The following DENND4C variants were observed in gnomAD, a reference collection of about 807,000 sequenced individuals.
The protein encoded by DENND4C is DENN domain-containing protein 4C.
A neutral mutation model predicts 203.0 loss-of-function variants in DENND4C; 108 were observed. The ratio of observed to expected loss-of-function variants is 0.53; its 90% CI spans 0.46 to 0.62. The LOEUF (loss-of-function observed/expected upper bound fraction) is 0.62, where lower values mean the gene tolerates loss of function less well. Among genes scored for constraint, DENND4C ranks in the 20% least tolerant of loss-of-function variants. The pLI is 0.00. For synonymous variants in DENND4C, 871 were observed against 792.4 expected, an observed-to-expected ratio of 1.10 and a Z score of -1.67; for missense variants, 2,481 against 2,301.2, an observed-to-expected ratio of 1.08 and a Z score of -1.60.
Position 19,297,080 on chromosome 9 carries a change from C to T in DENND4C, c.1040+834C>T, listed in dbSNP as rs529837459. On this transcript the variant is annotated intron_variant, in intron 6 of 32. Coordinates refer to ENST00000434457, the MANE Select transcript of DENND4C (RefSeq NM_001330640.2). ...AAGCATCTTTTCTGATTTCTAGTGG[C>T]GCATTGACTTCTGTTTATGATAGTT... Among the ~76,000 whole-genome samples the T allele has an allele frequency of 1.3e-4, 20 of 152,134 alleles. No homozygotes were observed. The South Asian group carries it at 2.9e-3, about 22-fold the overall frequency.
In DENND4C at chr9:19,346,695, A is replaced by T; in HGVS notation, c.3926A>T (p.Asn1309Ile). Residue 1309 changes from asparagine to isoleucine, a missense_variant, in exon 23 of 33, where the codon AAC becomes ATC. Around this residue, in one of 3 missense-constraint regions of DENND4C, gnomAD observed 2,289 missense variants for 2,113.3 expected, o/e 1.08. Transcript: ENST00000434457. ...AGTATGGAATTACACAGAGAGGAAAACAGAGAGTCTGGCATGACTACTGCA... is the reference window on the plus strand; with the variant it reads ...AGTATGGAATTACACAGAGAGGAAATCAGAGAGTCTGGCATGACTACTGCA... Reference protein sequence around the residue: ...SSSMELHREENRESGMTTAFI... With the variant: ...SSSMELHREEIRESGMTTAFI... 6.2e-7 allele frequency: 1 copy of T among 1,614,204 alleles called. No homozygotes were observed. Among genetic ancestry groups the T allele is most frequent in the Non-Finnish European group, 8.5e-7 (1 of 1,180,028 alleles).
intron 16 of DENND4C, among the ~76,000 whole-genome samples, chr9:19,328,473 C>G (rs1312206931): frequency 6.6e-6 from 1 of 151,476 alleles, no homozygotes; most frequent in Non-Finnish European, 1.5e-5. Context: ...ATTAGCTGGG[C>G]GTGGTGTCAG....
At chr9:19,280,830 T>C (rs1833903993) in intron 2 of DENND4C, among the ~76,000 whole-genome samples, 2 of 152,212 alleles carry the variant, frequency 1.3e-5, no homozygotes, top group South Asian at 4.1e-4. Flanking sequence ...AGCCTCCGCC[T>C]TCTGGGCTCA....
In DENND4C at chr9:19,300,409, G is replaced by A. The variant is rs1159529225; in HGVS notation, c.1311+78G>A. On this transcript the variant is annotated intron_variant, in intron 9 of 32. Transcript: ENST00000434457. ...CAAAGGGAAATTTTCTTCAAAAACA[G>A]CAACTTTGTAAACAACAACAAATTT... is the stretch of plus-strand genomic sequence containing the variant. 16 of 1,308,906 alleles carry A rather than the reference G, an allele frequency of 1.2e-5. No homozygotes were observed. The East Asian group carries it at 4.2e-4, about 35-fold the overall frequency. 81.1% of individuals were successfully genotyped at this position (1,308,906 alleles called of 1,614,324 possible).
At chr9:19,353,497 G>A (rs951776922) in intron 26 of DENND4C, among the ~76,000 whole-genome samples, 4 of 151,828 alleles carry the variant, frequency 2.6e-5, no homozygotes, top group Non-Finnish European at 4.4e-5. Context: ...GTGTGGCGGC[G>A]TGCGCCTGTA....
chr9:19,299,011 CA>C (rs1838011565), intron 7 of DENND4C, among the ~76,000 whole-genome samples: 1 of 151,960 alleles, frequency 6.6e-6, no homozygotes, highest in South Asian at 2.1e-4. Context: ...TCAAATTAAC[CA>C]TTTAATGAAA....
chr9:19,238,377 C>CA (rs1476859001), intron 1 of DENND4C, among the ~76,000 whole-genome samples: 1 of 151,282 alleles, frequency 6.6e-6, no homozygotes, highest in African/African-American at 2.4e-5. Flanking sequence ...CCACTGCGCC[C>CA]AGCCTCTTCC....
intron 5 of DENND4C, among the ~76,000 whole-genome samples, chr9:19,295,293 C>T (rs987440983): frequency 3.9e-5 from 6 of 152,182 alleles, no homozygotes; most frequent in Admixed American, 2.0e-4. Context: ...ATCATGAGGT[C>T]AGGAGATCGA....
chr9:19,300,355 G>C (rs1331933476), intron 9 of DENND4C, 24 bp downstream of exon 9: 1 of 1,480,130 alleles, frequency 6.8e-7, no homozygotes, highest in South Asian at 1.5e-5. Context: ...TTTCCTTTTA[G>C]TACAAAATTA....
At chr9:19,301,726 C>G (rs1838621671) in intron 9 of DENND4C, among the ~76,000 whole-genome samples, 1 of 152,186 alleles carries the variant, frequency 6.6e-6, no homozygotes, top group South Asian at 2.1e-4. Context: ...ATCACGAGGT[C>G]AAGAGATCGA....
chr9:19,344,646 C>T (rs1166974021), intron 22 of DENND4C, among the ~76,000 whole-genome samples: 2 of 152,128 alleles, frequency 1.3e-5, no homozygotes, highest in East Asian at 1.9e-4. Context: ...GGACTACAGG[C>T]GAATGCCACC....
intron 1 of DENND4C, among the ~76,000 whole-genome samples, chr9:19,236,127 C>A (rs10757036): frequency 0.51 from 76,543 of 151,450 alleles, 20,118 homozygotes; most frequent in South Asian, 0.58. Context: ...TGTTATAAAT[C>A]TTTTTTTAAA....
At chr9:19,269,004 C>A (rs1214773428) in intron 1 of DENND4C, among the ~76,000 whole-genome samples, 2 of 152,078 alleles carry the variant, frequency 1.3e-5, no homozygotes, top group Non-Finnish European at 2.9e-5. Flanking sequence ...TGTAGTATAT[C>A]TCTTTGAATA....
intron 23 of DENND4C, among the ~76,000 whole-genome samples, chr9:19,349,748 T>G (rs986756210): frequency 1.3e-5 from 2 of 152,212 alleles, no homozygotes. Context: ...GGGGAGTTAG[T>G]AAATACATAA....
At chr9:19,286,714 A>C in intron 2 of DENND4C, 55 bp from the exon 3 acceptor site, 2 of 1,206,184 alleles carry the variant, frequency 1.7e-6, no homozygotes, top group Non-Finnish European at 2.1e-6. Flanking sequence ...ATATGTACAT[A>C]TGTATGTGTG....
chr9:19,306,157 G>A lies in DENND4C; in HGVS notation c.1487+630G>A, dbSNP rs531347940. ...CCACTTCCCCACCAAAAGTGGGAAA[G>A]GACAGTAAGTATTAAAAATGTTCTT... is the stretch of plus-strand genomic sequence containing the variant. On this transcript the variant is annotated intron_variant, in intron 10 of 32. Coordinates refer to ENST00000434457, the MANE Select transcript of DENND4C (RefSeq NM_001330640.2). Among the ~76,000 whole-genome samples, 20 of 152,304 alleles carry A rather than the reference G, an allele frequency of 1.3e-4. No homozygotes were observed. The South Asian group carries it at 4.1e-3, about 32-fold the overall frequency.
chr9:19,256,580 G>A (rs1228583534), intron 1 of DENND4C, among the ~76,000 whole-genome samples: 4 of 151,718 alleles, frequency 2.6e-5, no homozygotes, highest in Non-Finnish European at 5.9e-5. Context: ...CTTCCAAAGT[G>A]CTGGGATTAC....
intron 1 of DENND4C, among the ~76,000 whole-genome samples, chr9:19,269,147 C>T (rs1286735460): frequency 6.6e-6 from 1 of 151,772 alleles, no homozygotes; most frequent in Non-Finnish European, 1.5e-5. Flanking sequence ...TCTCCTCTGA[C>T]TGTATTTCCT....
At chr9:19,243,030 T>C (rs1235266731) in intron 1 of DENND4C, among the ~76,000 whole-genome samples, 1 of 152,022 alleles carries the variant, frequency 6.6e-6, no homozygotes, top group Non-Finnish European at 1.5e-5. Context: ...TAAAGGGGGG[T>C]ATCTTGATGT....
Sources: gnomAD v4.1 joint callset for allele counts (sites outside exome capture counted in the v4.1 genomes callset) on GRCh38, gnomAD v4.1.1 for gene constraint, gnomAD v4.1.1 regional missense constraint, MANE v1.5 for transcripts, NCBI Gene and HGNC (gene_info 2026-07-23, HGNC 2026-07-21) for gene names.